Variants in UAP1 observed in about 807,000 individuals in gnomAD.
UAP1 encodes UDP-N-acetylglucosamine pyrophosphorylase 1, also known as UDP-N-acetylhexosamine pyrophosphorylase.
In UAP1, 25 loss-of-function variants were observed where a neutral mutation model predicts 58.5. The ratio of observed to expected loss-of-function variants is 0.43; its 90% CI spans 0.31 to 0.60. The LOEUF (loss-of-function observed/expected upper bound fraction) is 0.60. Among genes scored for constraint, UAP1 ranks in the 20% least tolerant of loss-of-function variants. UAP1 has a pLI of 0.11. For missense variants in UAP1, 575 were observed against 630.0 expected, an observed-to-expected ratio of 0.91 and a Z score of 0.93; for synonymous variants, 208 against 213.0, an observed-to-expected ratio of 0.98 and a Z score of 0.21.
At chr1:162,590,479 T>C in exon 8 of UAP1, 3 of 1,605,174 alleles carry the variant, frequency 1.9e-6, no homozygotes, top group Non-Finnish European at 2.6e-6. Flanking sequence ...ATTTCATAGA[T>C]GAAAATGGCT....
chr1:162,588,493 A>G (rs1655055516), intron 6 of UAP1, among the ~76,000 whole-genome samples, 200 bp from the exon 7 acceptor site: 1 of 152,076 alleles, frequency 6.6e-6, no homozygotes, highest in East Asian at 1.9e-4. Flanking sequence ...GGAGACTGTT[A>G]TTTGATTTTT....
chr1:162,568,387 G>T (rs954477220), intron 2 of UAP1, among the ~76,000 whole-genome samples: 4 of 152,178 alleles, frequency 2.6e-5, no homozygotes, highest in Non-Finnish European at 5.9e-5. Context: ...TACTAAACTG[G>T]TAGGTCTCCA....
At chr1:162,587,388 G>C in intron 5 of UAP1, 87 bp from the exon 6 acceptor site, 1 of 1,301,386 alleles carries the variant, frequency 7.7e-7, no homozygotes, top group Non-Finnish European at 1.1e-6. Context: ...TGTAAGCAAA[G>C]TTGTAAATGT....
At chr1:162,566,098 G>A (rs762762037) in exon 2 of UAP1, 11 of 1,612,494 alleles carry the variant, frequency 6.8e-6, no homozygotes, top group Non-Finnish European at 9.3e-6. Context: ...AACTCACGTT[G>A]TCCAAAGCTG....
At chr1:162,576,645 C>T (rs1654199773) in intron 2 of UAP1, 132 bp from the exon 3 acceptor site, 1 of 811,510 alleles carries the variant, frequency 1.2e-6, no homozygotes, top group Non-Finnish European at 1.9e-6. Flanking sequence ...CCAAAATCAG[C>T]AAATGGCCTC....
intron 1 of UAP1, among the ~76,000 whole-genome samples, chr1:162,564,629 A>G (rs1259159382): frequency 1.3e-5 from 2 of 152,004 alleles, no homozygotes; most frequent in African/African-American, 4.8e-5. Context: ...CCTCCTTACA[A>G]TCTATTGTAT....
At chr1:162,597,811 G>A in exon 10 of UAP1, 3 of 1,613,234 alleles carry the variant, frequency 1.9e-6, no homozygotes, top group Non-Finnish European at 2.5e-6. Flanking sequence ...TGCCAATGAT[G>A]TACCAATCCA....
chr1:162,596,751 C>T (rs1655643989), intron 9 of UAP1, among the ~76,000 whole-genome samples: 1 of 152,110 alleles, frequency 6.6e-6, no homozygotes, highest in East Asian at 1.9e-4. Flanking sequence ...TTTATTGACT[C>T]CAGCAAAGTT....
chr1:162,587,483 G>C (rs1654965993), exon 6 of UAP1: 1 of 1,607,140 alleles, frequency 6.2e-7, no homozygotes, highest in Non-Finnish European at 8.5e-7. Flanking sequence ...AGGTGGTAGA[G>C]AAAACGAACC....
intron 9 of UAP1, among the ~76,000 whole-genome samples, chr1:162,596,424 C>T (rs146684162): frequency 3.6e-3 from 551 of 152,246 alleles, no homozygotes; most frequent in African/African-American, 0.012. Context: ...ATCCACCCAC[C>T]GCGGCCTCCC....
chr1:162,582,109 G>A (rs1254218774), intron 5 of UAP1, among the ~76,000 whole-genome samples: 1 of 152,140 alleles, frequency 6.6e-6, no homozygotes, highest in Non-Finnish European at 1.5e-5. Flanking sequence ...AAAATAGACA[G>A]CAAACATGCA....
chr1:162,576,959 G>A, exon 3 of UAP1: 1 of 1,614,032 alleles, frequency 6.2e-7, no homozygotes, highest in Non-Finnish European at 8.5e-7. Context: ...AAAATATTAT[G>A]GCAACAAATG....
chr1:162,600,644 C>T (rs1261152494), downstream of UAP1, among the ~76,000 whole-genome samples: 1 of 150,152 alleles, frequency 6.7e-6, no homozygotes, highest in Non-Finnish European at 1.5e-5. Flanking sequence ...GTTTAAGGAT[C>T]ACTTTTTTTT....
chr1:162,581,186 ATTTTGT>A, intron 4 of UAP1, 95 bp from the exon 5 acceptor site: 1 of 1,348,678 alleles, frequency 7.4e-7, no homozygotes, highest in Non-Finnish European at 1.0e-6. Context: ...TGTAAAGCGA[ATTTTGT>A]TTTTTAGGGA....
intron 2 of UAP1, among the ~76,000 whole-genome samples, chr1:162,568,561 G>GTC (rs1250406696): frequency 6.6e-6 from 1 of 152,208 alleles, no homozygotes; most frequent in African/African-American, 2.4e-5. Context: ...CTTGGTAGTA[G>GTC]CTAACCTAGC....
intron 2 of UAP1, among the ~76,000 whole-genome samples, chr1:162,570,343 T>A (rs1338207106): frequency 6.6e-6 from 1 of 152,162 alleles, no homozygotes; most frequent in Middle Eastern, 3.2e-3. Context: ...GAATTTATCA[T>A]GAAAAATGTC....
chr1:162,566,359 T>A lies in UAP1; in HGVS notation c.280+11T>A. The A allele has an allele frequency of 6.2e-7, 1 of 1,600,446 alleles. No individual in the cohort carries two copies. Among genetic ancestry groups the A allele is most frequent in the African/African-American group, 1.3e-5 (1 of 74,278 alleles). ...CCTGGGAAAGTGAAGGTACTGGGCA[T>A]GTACATATTTCTTACTGAAGTTTAT... On this transcript the variant is annotated intron_variant, in intron 2 of 10. Transcript: ENST00000271469.
chr1:162,594,345 G>A (rs1655497501), intron 9 of UAP1, among the ~76,000 whole-genome samples: 1 of 152,100 alleles, frequency 6.6e-6, no homozygotes, highest in Admixed American at 6.6e-5. Context: ...AATCTGTTGC[G>A]GCCACTGATC....
rs754445981 is a variant in UAP1, at chr1:162,590,531, C to G, written c.1358+20C>G. ...TCCCCGGTAAGTCAGTATCTTTTCTCTTTTGTATGAATCCTTTCTTGGACT... is the reference window on the plus strand; with the variant it reads ...TCCCCGGTAAGTCAGTATCTTTTCTGTTTTGTATGAATCCTTTCTTGGACT... On this transcript the variant is annotated intron_variant, in intron 8 of 10. Coordinates refer to ENST00000271469, the Ensembl canonical transcript of UAP1. The G allele has an allele frequency of 2.5e-6, 4 of 1,575,460 alleles. No individual in the cohort carries two copies. The highest frequency in any genetic ancestry group is 3.4e-6 in the Non-Finnish European group (4 of 1,160,014).
Sources: gnomAD v4.1 joint callset for allele counts (sites outside exome capture counted in the v4.1 genomes callset) on GRCh38, gnomAD v4.1.1 for gene constraint, MANE v1.5 for transcripts, NCBI Gene and HGNC (gene_info 2026-07-23, HGNC 2026-07-21) for gene names.